AGR3: variants seen among roughly 807,000 people sequenced by gnomAD.
AGR3 encodes the protein anterior gradient 3, protein disulphide isomerase family member.
In AGR3, 37 loss-of-function variants were observed where a neutral mutation model predicts 24.5. That is an observed-to-expected ratio of 1.51 (90% CI 1.16 to 1.99). AGR3 has a LOEUF of 1.99. AGR3 is among the 30% of genes most tolerant of loss of function. AGR3 has a pLI of 0.00. For missense variants in AGR3, 228 were observed against 191.1 expected (o/e 1.19, Z -1.14); for synonymous variants, 75 against 61.6 (o/e 1.22, Z -1.02).
chr7:16,876,912 G>A (rs1364432467), intron 2 of AGR3, among the ~76,000 whole-genome samples: 1 of 152,092 alleles, frequency 6.6e-6, no homozygotes, highest in African/African-American at 2.4e-5. Context: ...AAATCTTTAA[G>A]GGCAATAACT....
intron 2 of AGR3, among the ~76,000 whole-genome samples, chr7:16,875,748 T>C (rs2115315342): frequency 6.6e-6 from 1 of 152,284 alleles, no homozygotes; most frequent in Non-Finnish European, 1.5e-5. Context: ...TTTTTGTTTT[T>C]TTTTGCCTGA....
At chr7:16,880,932 G>A (rs1782106463) in intron 1 of AGR3, among the ~76,000 whole-genome samples, 2 of 152,110 alleles carry the variant, frequency 1.3e-5, no homozygotes, top group Admixed American at 1.3e-4. Flanking sequence ...TAGAAGGCCT[G>A]TGGCTGAGCT....
intron 3 of AGR3, among the ~76,000 whole-genome samples, 191 bp from the exon 4 acceptor site, chr7:16,862,853 C>T (rs954957457): frequency 1.3e-5 from 2 of 152,150 alleles, no homozygotes; most frequent in South Asian, 2.1e-4. Context: ...ATCAGTATCA[C>T]TAGGTAGCTT....
chr7:16,855,442 A>G (rs983041460), downstream of AGR3, among the ~76,000 whole-genome samples: 10 of 151,692 alleles, frequency 6.6e-5, no homozygotes, highest in Non-Finnish European at 1.2e-4. Context: ...AAAGATGTTC[A>G]GAAACTGAAT....
intron 3 of AGR3, chr7:16,866,129 T>C: frequency 1.8e-6 from 1 of 544,544 alleles, no homozygotes; most frequent in Non-Finnish European, 3.5e-6. Context: ...TAGCTGGAAA[T>C]ATCTTACTTT....
chr7:16,862,222 G>GCTTTC (rs1230868442), intron 4 of AGR3, among the ~76,000 whole-genome samples, 162 bp from the exon 5 acceptor site: 1 of 152,128 alleles, frequency 6.6e-6, no homozygotes, highest in African/African-American at 2.4e-5. Context: ...TCATTGGAAA[G>GCTTTC]CAATGAGGGA....
intron 1 of AGR3, among the ~76,000 whole-genome samples, chr7:16,879,419 C>A (rs1330416614): frequency 2.0e-5 from 3 of 152,154 alleles, no homozygotes; most frequent in Non-Finnish European, 4.4e-5. Context: ...CAAAGTTGGG[C>A]CTGATCTGGT....
rs1213542308 is a variant in AGR3 at position 16,860,534 on chromosome 7, T to C, written c.417A>G (p.Arg139=). ...AATCCCGAGGCTCATATGTGTACAA[T>C]CTGTTAGAGTATCTTCCAGCTATGT... is the stretch of plus-strand genomic sequence containing the variant. ...RADIAGRYSN[R]LYTYEPRDLP... The change falls in exon 7 of 8, where the codon AGA becomes AGG. Residue 139 remains arginine, a synonymous_variant. Transcript: ENST00000310398. 6.2e-7 allele frequency: 1 copy of C among 1,613,928 alleles called. No individual in the cohort carries two copies. Among genetic ancestry groups the C allele is most frequent in the Non-Finnish European group, 8.5e-7 (1 of 1,179,848 alleles).
intron 3 of AGR3, among the ~76,000 whole-genome samples, chr7:16,863,005 G>T (rs4570040): frequency 7.2e-5 from 11 of 151,970 alleles, no homozygotes; most frequent in Non-Finnish European, 1.5e-5. Flanking sequence ...CAGGAGGTGA[G>T]GTTGCGGTGA....
chr7:16,866,199 G>A, intron 3 of AGR3: 1 of 531,308 alleles, frequency 1.9e-6, no homozygotes, highest in Non-Finnish European at 3.8e-6. Flanking sequence ...TAATGATGTG[G>A]CAGTAATAGT....
intron 3 of AGR3, among the ~76,000 whole-genome samples, chr7:16,868,930 A>C (rs113930465): frequency 3.9e-5 from 6 of 152,318 alleles, no homozygotes; most frequent in African/African-American, 1.2e-4. Flanking sequence ...GATATAATTT[A>C]AGTCTTCTTA....
chr7:16,863,759 T>C (rs574052930), intron 3 of AGR3, among the ~76,000 whole-genome samples: 28 of 152,154 alleles, frequency 1.8e-4, no homozygotes, highest in African/African-American at 6.0e-4. Flanking sequence ...TTTTATCTTA[T>C]TAGTCTCCCC....
chr7:16,864,136 A>G (rs1223605665), intron 3 of AGR3: 5 of 518,268 alleles, frequency 9.6e-6, no homozygotes, highest in Non-Finnish European at 1.6e-5. Context: ...GTGATGAAAG[A>G]CTACAGGAAC....
intron 3 of AGR3, among the ~76,000 whole-genome samples, chr7:16,868,583 T>G (rs1781805603): frequency 6.6e-6 from 1 of 152,230 alleles, no homozygotes; most frequent in Admixed American, 6.5e-5. Context: ...TTTCATATAT[T>G]GTCTTCTATT....
chr7:16,875,080 T>A (rs6957816), intron 2 of AGR3, among the ~76,000 whole-genome samples: 140,137 of 150,274 alleles, frequency 0.93, 65,810 homozygotes, highest in Non-Finnish European at 1. Flanking sequence ...GCGCCACTGC[T>A]CTCCAGCCTG....
intron 3 of AGR3, among the ~76,000 whole-genome samples, chr7:16,872,554 A>T (rs1276807334): frequency 6.6e-6 from 1 of 152,182 alleles, no homozygotes; most frequent in Non-Finnish European, 1.5e-5. Flanking sequence ...CTGCAAAAAA[A>T]TGTATGGGTA....
intron 1 of AGR3, among the ~76,000 whole-genome samples, chr7:16,881,601 C>T (rs1298136223): frequency 6.6e-6 from 1 of 151,992 alleles, no homozygotes; most frequent in Non-Finnish European, 1.5e-5. Context: ...TTTTATTTTT[C>T]AAAAGTAATT....
At chr7:16,872,065 A>C (rs781326427) in intron 3 of AGR3, among the ~76,000 whole-genome samples, 4 of 146,816 alleles carry the variant, frequency 2.7e-5, no homozygotes, top group Non-Finnish European at 6.0e-5. Flanking sequence ...TCTCTATCAA[A>C]ATACCAATGA....
intron 1 of AGR3, 72 bp from the exon 2 acceptor site, chr7:16,878,717 A>G (rs1782044149): frequency 8.5e-7 from 1 of 1,175,128 alleles, no homozygotes; most frequent in African/African-American, 1.5e-5. Flanking sequence ...ATTTGCTAAG[A>G]GTTGGACCAA....
Sources: gnomAD v4.1 joint callset for allele counts (sites outside exome capture counted in the v4.1 genomes callset) on GRCh38, gnomAD v4.1.1 for gene constraint, MANE v1.5 for transcripts, NCBI Gene and HGNC (gene_info 2026-07-23, HGNC 2026-07-21) for gene names.